The following PCSK5 variants were observed in gnomAD, a reference collection of about 807,000 sequenced individuals.
PCSK5 encodes the protein proprotein convertase subtilisin/kexin type 5.
Under a neutral mutation model 233.2 loss-of-function variants are expected in PCSK5, and 129 were observed. The ratio of observed to expected loss-of-function variants is 0.55; its 90% CI spans 0.48 to 0.64. The LOEUF (loss-of-function observed/expected upper bound fraction) is 0.64. PCSK5 is among the 30% of genes least tolerant of loss of function. PCSK5 has a pLI of 0.00. For missense variants in PCSK5, 2,076 were observed against 2,430.1 expected, an observed-to-expected ratio of 0.85 and a Z score of 3.06; for synonymous variants, 825 against 879.2, an observed-to-expected ratio of 0.94 and a Z score of 1.09.
Position 76,034,293 on chromosome 9 carries a change from T to C in PCSK5, c.632+7256T>C, listed in dbSNP as rs182217864. On this transcript the variant is annotated intron_variant, in intron 5 of 37. Transcript: ENST00000674117. Reference sequence around the variant, plus strand: ...CCACCCACAGTAGCCACTATGTTTATTCCCCTTCTCTTACCTATACCCTTG... The same window carrying C: ...CCACCCACAGTAGCCACTATGTTTACTCCCCTTCTCTTACCTATACCCTTG... 2.0e-5 allele frequency among the ~76,000 whole-genome samples: 3 copies of C among 152,240 alleles called. No individual in the cohort carries two copies. In the East Asian group the frequency reaches 5.8e-4, roughly 29 times the overall value.
intron 8 of PCSK5, among the ~76,000 whole-genome samples, chr9:76,100,450 C>G (rs1831709354): frequency 6.6e-6 from 1 of 152,250 alleles, no homozygotes; most frequent in East Asian, 1.9e-4. Flanking sequence ...AAACCCTATG[C>G]AGAAAGATCA....
At position 75,908,269 on chromosome 9, in the gene PCSK5, C is replaced by T. The variant is rs566601449; in HGVS notation, c.192+16896C>T. On this transcript the variant is annotated intron_variant, in intron 1 of 37. Transcript: ENST00000674117. ...TTTATCAGATCCAAGCTGCAAACCTCCAGGCCTTCAGGCTTGGGTAGATAG... is the reference window on the plus strand; with the variant it reads ...TTTATCAGATCCAAGCTGCAAACCTTCAGGCCTTCAGGCTTGGGTAGATAG... Among the ~76,000 whole-genome samples, 4 of 152,312 alleles carry T rather than the reference C, an allele frequency of 2.6e-5. No individual in the cohort carries two copies. In the South Asian group the frequency reaches 8.3e-4, roughly 32 times the overall value.
At chr9:75,928,927 ATATTTATTTATT>A (rs71499119) in intron 1 of PCSK5, among the ~76,000 whole-genome samples, 1 of 149,712 alleles carries the variant, frequency 6.7e-6, no homozygotes, top group Non-Finnish European at 1.5e-5. Flanking sequence ...AAGGATTCTG[ATATTTATTTATT>A]TATTTATTTA....
At chr9:76,052,700 A>G (rs1829674114) in intron 5 of PCSK5, among the ~76,000 whole-genome samples, 1 of 152,174 alleles carries the variant, frequency 6.6e-6, no homozygotes, top group African/African-American at 2.4e-5. Flanking sequence ...AAAACCAATT[A>G]TGCCTTCCCA....
chr9:76,283,829 C>T (rs1770710192), intron 24 of PCSK5, among the ~76,000 whole-genome samples: 1 of 152,216 alleles, frequency 6.6e-6, no homozygotes, highest in African/African-American at 2.4e-5. Context: ...TTTTCATTCA[C>T]ATCTATATTT....
chr9:76,246,712 G>A (rs1274026726), intron 24 of PCSK5, among the ~76,000 whole-genome samples: 2 of 152,110 alleles, frequency 1.3e-5, no homozygotes, highest in Non-Finnish European at 2.9e-5. Flanking sequence ...GAATGAATGG[G>A]GTACATATAC....
chr9:76,315,798 A>C lies in PCSK5; in HGVS notation c.3884+4947A>C, dbSNP rs557538958. On this transcript the variant is annotated intron_variant, in intron 30 of 37. Coordinates refer to ENST00000674117, the MANE Select transcript of PCSK5 (RefSeq NM_001372043.1). ...CAGGCGCCCACCATCAAGCTCGACT[A>C]ATTTTTGTATTTTTGTAGAGACAGC... Among the ~76,000 whole-genome samples, 31 of 151,938 alleles carry C rather than the reference A, an allele frequency of 2.0e-4. 1 individual carries two copies. In the South Asian group the frequency reaches 6.3e-3, roughly 31 times the overall value.
At chr9:76,167,166 C>T (rs898085957) in intron 12 of PCSK5, among the ~76,000 whole-genome samples, 3 of 152,190 alleles carry the variant, frequency 2.0e-5, no homozygotes, top group Admixed American at 2.0e-4. Context: ...GTTGCCAGAT[C>T]CAACCTGGTT....
intron 7 of PCSK5, among the ~76,000 whole-genome samples, chr9:76,092,935 G>T (rs570286029): frequency 1.3e-5 from 2 of 152,072 alleles, no homozygotes; most frequent in African/African-American, 2.4e-5. Context: ...GTAAGACATG[G>T]TCATAGAAGA....
intron 35 of PCSK5, among the ~76,000 whole-genome samples, chr9:76,342,124 T>C (rs1040357813): frequency 1.3e-5 from 2 of 152,236 alleles, no homozygotes; most frequent in African/African-American, 4.8e-5. Flanking sequence ...TTTATTTTGT[T>C]TTCCTCTCTT....
intron 5 of PCSK5, among the ~76,000 whole-genome samples, chr9:76,046,280 C>T (rs574435320): frequency 7.3e-5 from 10 of 136,350 alleles, no homozygotes; most frequent in Non-Finnish European, 1.1e-4. Flanking sequence ...CGGGTTCAAG[C>T]GATTCTCCTG....
rs1378713611 is a variant in PCSK5, at chr9:76,268,475, A to G, written c.3143-23758A>G. Among the ~76,000 whole-genome samples, 4 of 152,212 alleles carry G rather than the reference A, an allele frequency of 2.6e-5. No individual in the cohort carries two copies. In the East Asian group the frequency reaches 5.8e-4, roughly 22 times the overall value. On this transcript the variant is annotated intron_variant, in intron 24 of 37. Coordinates refer to ENST00000674117, the MANE Select transcript of PCSK5 (RefSeq NM_001372043.1). The stretch of plus-strand genomic sequence containing the variant: ...TTCTCAGTCATAATCAGTCTAAAAC[A>G]TATTTCCTCATTACCTGGTGTGTAC...
chr9:75,943,091 G>T (rs1824394612), intron 2 of PCSK5, among the ~76,000 whole-genome samples: 1 of 151,788 alleles, frequency 6.6e-6, no homozygotes, highest in Non-Finnish European at 1.5e-5. Context: ...CGCCATGTTG[G>T]CCAGGCTGGT....
intron 5 of PCSK5, among the ~76,000 whole-genome samples, chr9:76,043,976 CCTAA>C (rs200413752): frequency 0.014 from 2,119 of 152,148 alleles, 53 homozygotes; most frequent in African/African-American, 0.048. Flanking sequence ...CACATGTACC[CCTAA>C]CTAATTATAA....
Position 76,133,162 on chromosome 9 carries a change from G to A in PCSK5, c.1209-947G>A, listed in dbSNP as rs532246828. ...TTGCTGAAGTGAAGGTAGCTGGTGA[G>A]AAACAAATAAAATGGCTGCACATGC... On this transcript the variant is annotated intron_variant, in intron 9 of 37. Coordinates refer to ENST00000674117, the MANE Select transcript of PCSK5 (RefSeq NM_001372043.1). 2.0e-5 allele frequency among the ~76,000 whole-genome samples: 3 copies of A among 152,142 alleles called. No individual in the cohort carries two copies. The East Asian group carries it at 5.8e-4, about 29-fold the overall frequency.
chr9:75,971,121 G>C (rs1353219759), intron 2 of PCSK5, among the ~76,000 whole-genome samples: 1 of 141,234 alleles, frequency 7.1e-6, no homozygotes, highest in East Asian at 2.1e-4. Flanking sequence ...AGTGTGTGTT[G>C]TTCCCCTCCC....
rs762103292 is a variant in PCSK5 at position 76,321,623 on chromosome 9, T to C, written c.4086T>C (p.His1362=). The C allele has an allele frequency of 1.9e-6, 3 of 1,609,870 alleles. No homozygotes were observed. Among genetic ancestry groups the C allele is most frequent in the African/African-American group, 2.7e-5 (2 of 74,830 alleles). The change falls in exon 31 of 38, where the codon CAT becomes CAC. Residue 1362 remains histidine, a synonymous_variant. Transcript: ENST00000674117. ...HCPEMCQDCI[H]EKTCKECTPE... ...CAGAGATGTGTCAGGACTGCATCCA[T>C]GAGAAAACATGCAAAGGTACCTAGG... is the stretch of plus-strand genomic sequence containing the variant.
intron 2 of PCSK5, among the ~76,000 whole-genome samples, chr9:75,955,736 GAATTA>G (rs1825066195): frequency 6.6e-6 from 1 of 151,688 alleles, no homozygotes; most frequent in South Asian, 2.1e-4. Flanking sequence ...ATTTGAATTT[GAATTA>G]AATTTAATTT....
intron 34 of PCSK5, 73 bp downstream of exon 34, chr9:76,332,683 G>A (rs1829571261): frequency 3.5e-6 from 4 of 1,132,956 alleles, no homozygotes; most frequent in Non-Finnish European, 5.1e-6. Context: ...TACAAATGAG[G>A]AAACTAAGAT....
Sources: gnomAD v4.1 joint callset for allele counts (sites outside exome capture counted in the v4.1 genomes callset) on GRCh38, gnomAD v4.1.1 for gene constraint, MANE v1.5 for transcripts, NCBI Gene and HGNC (gene_info 2026-07-23, HGNC 2026-07-21) for gene names.